The following SCN3A variants were observed in gnomAD, a reference collection of about 807,000 sequenced individuals.
SCN3A encodes the protein sodium voltage-gated channel alpha subunit 3.
Under a neutral mutation model 187.6 loss-of-function variants are expected in SCN3A, and 60 were observed. That is an observed-to-expected ratio of 0.32 (90% CI 0.26 to 0.40). The LOEUF (loss-of-function observed/expected upper bound fraction) is 0.40, where lower values mean the gene tolerates loss of function less well. Ranked by LOEUF, SCN3A falls within the 10% of genes least tolerant of loss-of-function variation. The probability of loss-of-function intolerance (pLI) is 1.00; values close to 1 mark genes in which losing one functional copy is unlikely to be tolerated. For synonymous variants in SCN3A, 788 were observed against 829.2 expected, an observed-to-expected ratio of 0.95 and a Z score of 0.85; for missense variants, 1,601 against 2,428.2, an observed-to-expected ratio of 0.66 and a Z score of 7.16.
At position 165,088,785 on chromosome 2, in the gene SCN3A, A is replaced by G. The variant is rs151101124; in HGVS notation, c.*1365T>C. The stretch of plus-strand genomic sequence containing the variant: ...TATATTTTTACATTATTTATATTTA[A>G]ACAAGTTTTAGACATATTTTTAGCA... On this transcript the variant is annotated 3_prime_UTR_variant, in exon 28 of 28. Coordinates refer to ENST00000283254, the MANE Select transcript of SCN3A (RefSeq NM_006922.4). 1 of 152,590 alleles carries G rather than the reference A, an allele frequency of 6.6e-6. No homozygotes were observed. The highest frequency in any genetic ancestry group is 1.9e-4 in the East Asian group (1 of 5,202). The allele number at this position is 152,590 out of a possible 1,614,324, so 9.5% of individuals were successfully genotyped here. A position where few individuals can be genotyped will look rare whatever the true frequency, so the allele number is the denominator to read the frequency against.
At position 165,160,907 on chromosome 2, in the gene SCN3A, C is replaced by T. The variant is rs149639124; in HGVS notation, c.1031+1401G>A. The stretch of plus-strand genomic sequence containing the variant: ...CCCCCTGCCTCTGCTTCCCAAAGTG[C>T]TGGGATTACAGGTGTGAGCCACCGC... On this transcript the variant is annotated intron_variant, in intron 9 of 27. Coordinates refer to ENST00000283254, the MANE Select transcript of SCN3A (RefSeq NM_006922.4). 7.3e-3 allele frequency among the ~76,000 whole-genome samples: 1,118 copies of T among 152,130 alleles called. 20 individuals carry two copies. The highest frequency in any genetic ancestry group is 0.026 in the African/African-American group (1,062 of 41,504).
rs184980707 is a variant in SCN3A at position 165,171,878 on chromosome 2, A to G, written c.265-1330T>C. ...TTCTCCATTTTTTTCACAGTATTTA[A>G]TAGCCTGGTTTGCAAATAAACACTT... On this transcript the variant is annotated intron_variant, in intron 3 of 27. Coordinates refer to ENST00000283254, the MANE Select transcript of SCN3A (RefSeq NM_006922.4). Among the ~76,000 whole-genome samples, 24 of 152,236 alleles carry G rather than the reference A, an allele frequency of 1.6e-4. No individual in the cohort carries two copies. The East Asian group carries it at 2.7e-3, about 17-fold the overall frequency.
At chr2:165,111,827 C>A (rs1686133903) in intron 21 of SCN3A, among the ~76,000 whole-genome samples, 1 of 152,020 alleles carries the variant, frequency 6.6e-6, no homozygotes, top group South Asian at 2.1e-4. Context: ...AATGAAAGGC[C>A]AGCCAAGGAA....
In SCN3A at chr2:165,092,726, G is replaced by T; in HGVS notation, c.4537-202C>A. 1.7e-6 allele frequency: 1 copy of T among 577,316 alleles called. No individual in the cohort carries two copies. The highest frequency in any genetic ancestry group is 3.0e-6 in the Non-Finnish European group (1 of 328,946). 35.8% of individuals were successfully genotyped at this position (577,316 alleles called of 1,614,324 possible). The stretch of plus-strand genomic sequence containing the variant: ...TATATAGCTAAACAAAGCATATTTG[G>T]TTTATATAGGTCCTATGGAAAGACA... On this transcript the variant is annotated intron_variant, in intron 26 of 27. Transcript: ENST00000283254. The surrounding 1 kb of genome is among the most constrained non-coding windows in gnomAD (Gnocchi z 4.2).
intron 2 of SCN3A, among the ~76,000 whole-genome samples, chr2:165,178,418 G>A (rs1182031718): frequency 1.3e-5 from 2 of 152,040 alleles, no homozygotes; most frequent in African/African-American, 2.4e-5. Context: ...TAGAGATGAG[G>A]TTTCAGTCGC....
chr2:165,087,791 G>A lies in SCN3A; in HGVS notation c.*2359C>T, dbSNP rs1684903880. ...ACATTTATTAGCCACCAAGTAATTA[G>A]GAGATAGCATCAATTATATTGAAAG... On this transcript the variant is annotated 3_prime_UTR_variant, in exon 28 of 28. Coordinates refer to ENST00000283254, the MANE Select transcript of SCN3A (RefSeq NM_006922.4). 3 of 152,062 alleles carry A rather than the reference G, an allele frequency of 2.0e-5. No homozygotes were observed. The highest frequency in any genetic ancestry group is 7.2e-5 in the African/African-American group (3 of 41,434). 9.4% of individuals were successfully genotyped at this position (152,062 alleles called of 1,614,324 possible).
chr2:165,194,421 G>A (rs901886865), intron 1 of SCN3A, among the ~76,000 whole-genome samples: 3 of 151,960 alleles, frequency 2.0e-5, no homozygotes, highest in African/African-American at 7.3e-5. Flanking sequence ...CCTGAACGTG[G>A]GTCACTAAAC....
At chr2:165,133,508 A>C (rs976502061) in intron 15 of SCN3A, among the ~76,000 whole-genome samples, 4 of 151,416 alleles carry the variant, frequency 2.6e-5, no homozygotes, top group African/African-American at 9.7e-5. Context: ...TGCCCAGCTA[A>C]TTTTTCTAAT....
chr2:165,199,507 A>G (rs2105994899), intron 1 of SCN3A, among the ~76,000 whole-genome samples: 1 of 152,080 alleles, frequency 6.6e-6, no homozygotes, highest in South Asian at 2.1e-4. Flanking sequence ...GATCTTGGGT[A>G]AAACCTTCTT....
At chr2:165,147,293 G>C (rs550287037) in intron 11 of SCN3A, among the ~76,000 whole-genome samples, 55 of 136,290 alleles carry the variant, frequency 4.0e-4, no homozygotes, top group African/African-American at 1.3e-3. Flanking sequence ...TGGGGGGGGG[G>C]GGTTGGTGAC....
At chr2:165,105,691 C>G (rs1233517521) in intron 21 of SCN3A, among the ~76,000 whole-genome samples, 1 of 152,038 alleles carries the variant, frequency 6.6e-6, no homozygotes, top group Non-Finnish European at 1.5e-5. Flanking sequence ...AGTCTCTATG[C>G]AATCTCAGTC....
Position 165,163,656 on chromosome 2 carries a change from C to T in SCN3A, c.656G>A (p.Arg219Lys). ...AATTGTTTTCAGTGCTCGGAGAACT[C>T]TGAATGTTCTCAACGCTGAGACATT... ...LGNVSALRTFRVLRALKTISV... is the reference protein window; with the variant it reads ...LGNVSALRTFKVLRALKTISV... The change falls in exon 7 of 28, where the codon AGA (arginine) becomes AAA (lysine). Residue 219 changes from arginine (R) to lysine (K), a missense_variant. By Grantham distance (26) the Arg-to-Lys change is conservative. This residue lies in a region of SCN3A where 122 missense variants were observed against 225.1 expected (regional missense o/e 0.54). Coordinates refer to ENST00000283254, the MANE Select transcript of SCN3A (RefSeq NM_006922.4). The T allele has an allele frequency of 6.2e-7, 1 of 1,614,078 alleles. No homozygotes were observed. The highest frequency in any genetic ancestry group is 8.5e-7 in the Non-Finnish European group (1 of 1,179,974).
At chr2:165,194,948 C>G (rs574653889) in intron 1 of SCN3A, 1 of 152,164 alleles carries the variant, frequency 6.6e-6, no homozygotes, top group African/African-American at 2.4e-5. Flanking sequence ...TGTGCACTGC[C>G]CTGATTTAGG....
At position 165,147,727 on chromosome 2, in the gene SCN3A, A is replaced by G. The variant is rs1011204433; in HGVS notation, c.1381-698T>C. ...ACATAGCATTACATAAATTCATTCA[A>G]AGGATTATGAGAACTGCTTCAAATA... On this transcript the variant is annotated intron_variant, in intron 11 of 27. Transcript: ENST00000283254. Among the ~76,000 whole-genome samples, 26 of 152,320 alleles carry G rather than the reference A, an allele frequency of 1.7e-4. No individual in the cohort carries two copies. The East Asian group carries it at 4.4e-3, about 26-fold the overall frequency.
chr2:165,179,190 T>C (rs937482343), intron 2 of SCN3A, among the ~76,000 whole-genome samples: 2 of 152,186 alleles, frequency 1.3e-5, no homozygotes, highest in Non-Finnish European at 2.9e-5. Context: ...GATGTCTTTA[T>C]TGACAATGAA....
rs745521801 is a variant in SCN3A, at chr2:165,170,467, G to A, written c.346C>T (p.Pro116Ser). ...SALYILTPLN[P>S]VRKIAIKILV... ...ATCTTGATAGCAATTTTCCTAACAG[G>A]GTTTAGTGGAGTTAAAATATACAAG... is the stretch of plus-strand genomic sequence containing the variant. The change falls in exon 4 of 28, where the codon CCT becomes TCT. Residue 116 changes from proline (P) to serine (S), a missense_variant. Pro to Ser is a moderately conservative substitution (Grantham distance 74). This residue lies in a region of SCN3A where 122 missense variants were observed against 225.1 expected (regional missense o/e 0.54). Transcript: ENST00000283254. The A allele has an allele frequency of 6.2e-7, 1 of 1,610,814 alleles. No individual in the cohort carries two copies. Among genetic ancestry groups the A allele is most frequent in the African/African-American group, 1.3e-5 (1 of 74,888 alleles).
At chr2:165,182,974 C>CA (rs745609592) in intron 2 of SCN3A, among the ~76,000 whole-genome samples, 1,625 of 86,850 alleles carry the variant, frequency 0.019, 21 homozygotes, top group Non-Finnish European at 0.026. Context: ...AAGACCTTGT[C>CA]AAAAAAAAAA....
chr2:165,139,701 T>A, intron 13 of SCN3A, 93 bp from the exon 14 acceptor site: 1 of 1,469,602 alleles, frequency 6.8e-7, no homozygotes, highest in South Asian at 1.1e-5. Context: ...CTACATGCAA[T>A]TTTTCCAGGT....
chr2:165,094,268 C>T, intron 26 of SCN3A, 106 bp downstream of exon 26: 1 of 850,688 alleles, frequency 1.2e-6, no homozygotes, highest in Non-Finnish European at 2.0e-6. Flanking sequence ...ATAATTAGGG[C>T]TCAATATTGG....
Sources: allele counts gnomAD v4.1 joint callset (sites outside exome capture counted in the v4.1 genomes callset), GRCh38; gene constraint gnomAD v4.1.1; regional missense constraint gnomAD v4.1.1; non-coding constraint Gnocchi (gnomAD v3.1); transcripts MANE v1.5; gene names NCBI Gene and HGNC (gene_info 2026-07-23, HGNC 2026-07-21).